The following PINX1 variants were observed in gnomAD, a reference collection of about 807,000 sequenced individuals.
PINX1 encodes the protein PIN2 (TERF1) interacting telomerase inhibitor 1.
In PINX1, 34 loss-of-function variants were observed where a neutral mutation model predicts 25.4. The observed-to-expected ratio is 1.34, with a 90% CI of 1.02 to 1.78. The LOEUF (loss-of-function observed/expected upper bound fraction) is 1.78. Among genes scored for constraint, PINX1 ranks in the 40% most tolerant of loss-of-function variants. PINX1 has a pLI of 0.00. For synonymous variants in PINX1, 197 were observed against 147.7 expected (o/e 1.33, Z -2.42); for missense variants, 592 against 404.9 (o/e 1.46, Z -3.97).
intron 6 of PINX1, among the ~76,000 whole-genome samples, chr8:10,807,980 A>G (rs937656120): frequency 2.0e-5 from 3 of 152,224 alleles, no homozygotes; most frequent in Non-Finnish European, 4.4e-5. Flanking sequence ...AAAGTTTTAT[A>G]TTAAGAGGCT....
intron 1 of PINX1, among the ~76,000 whole-genome samples, chr8:10,836,890 C>A (rs1413522711): frequency 6.6e-6 from 1 of 152,088 alleles, no homozygotes; most frequent in Non-Finnish European, 1.5e-5. Context: ...CTAATGGCAC[C>A]CAAGTTTCCA....
intron 6 of PINX1, among the ~76,000 whole-genome samples, chr8:10,767,027 A>C (rs909862611): frequency 1.3e-5 from 2 of 152,226 alleles, no homozygotes; most frequent in Non-Finnish European, 2.9e-5. Context: ...GTCATTAAGC[A>C]ATCATGCTAA....
chr8:10,778,552 T>C (rs1486511840), intron 6 of PINX1, among the ~76,000 whole-genome samples: 2 of 152,170 alleles, frequency 1.3e-5, no homozygotes, highest in Non-Finnish European at 2.9e-5. Context: ...TGTTGTTTTA[T>C]GAAAAACTGG....
chr8:10,804,545 G>C (rs200827994), intron 6 of PINX1, among the ~76,000 whole-genome samples: 1 of 152,114 alleles, frequency 6.6e-6, no homozygotes, highest in Non-Finnish European at 1.5e-5. Context: ...AGCAGCATTG[G>C]AGAAGAGCCG....
At chr8:10,823,741 T>C (rs1339481980) in intron 5 of PINX1, among the ~76,000 whole-genome samples, 1 of 152,146 alleles carries the variant, frequency 6.6e-6, no homozygotes, top group Non-Finnish European at 1.5e-5. Flanking sequence ...GGCAGGACGA[T>C]CACTTGAGCC....
chr8:10,823,702 C>A (rs147793165), intron 5 of PINX1, among the ~76,000 whole-genome samples: 1 of 152,158 alleles, frequency 6.6e-6, no homozygotes, highest in Non-Finnish European at 1.5e-5. Flanking sequence ...GTGGCTCACA[C>A]CTGTAGTCCC....
chr8:10,775,783 G>A (rs1480588145), intron 6 of PINX1, among the ~76,000 whole-genome samples: 5 of 152,174 alleles, frequency 3.3e-5, no homozygotes, highest in African/African-American at 1.2e-4. Context: ...GCCTTTCCAG[G>A]CCTCAAATGC....
rs1165791808 is a variant in PINX1 at position 10,811,461 on chromosome 8, G to A, written c.471+8732C>T. On this transcript the variant is annotated intron_variant, in intron 6 of 6. Transcript: ENST00000314787. ...CCACAGGAAGACAAATCCTAAGACA[G>A]CCATTTCATTTATCTACACAATAAA... Among the ~76,000 whole-genome samples, 5 of 152,188 alleles carry A rather than the reference G, an allele frequency of 3.3e-5. 1 individual carries two copies. The highest frequency in any genetic ancestry group is 9.7e-5 in the African/African-American group (4 of 41,428).
At chr8:10,784,760 G>C (rs75709761) in intron 6 of PINX1, among the ~76,000 whole-genome samples, 3,517 of 152,338 alleles carry the variant, frequency 0.023, 149 homozygotes, top group African/African-American at 0.08. Flanking sequence ...CTGGACTAAA[G>C]TTAGGGGACA....
At chr8:10,832,616 C>G in intron 3 of PINX1, among the ~76,000 whole-genome samples, 1 of 152,154 alleles carries the variant, frequency 6.6e-6, no homozygotes, top group East Asian at 1.9e-4. Context: ...CCCAGATTCC[C>G]TACCAGATTA....
intron 6 of PINX1, among the ~76,000 whole-genome samples, chr8:10,807,796 G>A (rs1235872709): frequency 1.3e-5 from 2 of 152,178 alleles, no homozygotes; most frequent in African/African-American, 4.8e-5. Flanking sequence ...TGTGGAAGAT[G>A]AGTGAGGACA....
At chr8:10,796,664 C>A (rs959143876) in intron 6 of PINX1, among the ~76,000 whole-genome samples, 1 of 151,938 alleles carries the variant, frequency 6.6e-6, no homozygotes, top group Admixed American at 6.6e-5. Context: ...ACTCTGCCCA[C>A]ATTTTTTATC....
At chr8:10,828,776 C>T (rs762895279) in intron 4 of PINX1, among the ~76,000 whole-genome samples, 2 of 152,078 alleles carry the variant, frequency 1.3e-5, no homozygotes, top group Non-Finnish European at 2.9e-5. Flanking sequence ...CCGGGTATCC[C>T]CTCCCACTTT....
At chr8:10,802,002 A>G (rs1319327021) in intron 6 of PINX1, among the ~76,000 whole-genome samples, 1 of 152,206 alleles carries the variant, frequency 6.6e-6, no homozygotes, top group Admixed American at 6.5e-5. Context: ...CAGAAGATGC[A>G]ATGCATGCCG....
intron 6 of PINX1, among the ~76,000 whole-genome samples, chr8:10,774,195 C>G (rs1801316151): frequency 6.6e-6 from 1 of 152,090 alleles, no homozygotes; most frequent in Non-Finnish European, 1.5e-5. Flanking sequence ...CATGACAACT[C>G]AAATGTAGGC....
chr8:10,817,058 C>T (rs778459544), intron 6 of PINX1, among the ~76,000 whole-genome samples: 1 of 152,128 alleles, frequency 6.6e-6, no homozygotes, highest in Non-Finnish European at 1.5e-5. Flanking sequence ...GTAGGCTTCC[C>T]TTATTGCAAG....
intron 6 of PINX1, among the ~76,000 whole-genome samples, chr8:10,799,982 A>G (rs1443895010): frequency 6.6e-6 from 1 of 152,222 alleles, no homozygotes; most frequent in Non-Finnish European, 1.5e-5. Flanking sequence ...GCCAAAGGTC[A>G]TATGACTCAC....
chr8:10,798,076 C>T (rs999192156), intron 6 of PINX1, among the ~76,000 whole-genome samples: 12 of 152,232 alleles, frequency 7.9e-5, no homozygotes, highest in Non-Finnish European at 1.0e-4. Context: ...GACGGGGAGA[C>T]AGATTCCATC....
intron 6 of PINX1, among the ~76,000 whole-genome samples, chr8:10,813,228 G>C (rs951571476): frequency 5.9e-5 from 9 of 152,242 alleles, no homozygotes; most frequent in African/African-American, 2.2e-4. Flanking sequence ...GATGTGGAGT[G>C]GGGGGAGGGT....
Sources: allele counts gnomAD v4.1 joint callset (sites outside exome capture counted in the v4.1 genomes callset), GRCh38; gene constraint gnomAD v4.1.1; transcripts MANE v1.5; gene names NCBI Gene and HGNC (gene_info 2026-07-23, HGNC 2026-07-21).